The following NCAM1 variants were observed in gnomAD, a reference collection of about 807,000 sequenced individuals.
The protein encoded by NCAM1 is antigen recognized by monoclonal antibody 5.1H11.
NCAM1 carries 14 observed loss-of-function variants against 109.8 expected under a neutral mutation model. That is an observed-to-expected ratio of 0.13 (90% CI 0.08 to 0.20). The LOEUF is 0.20. Ranked by LOEUF, NCAM1 falls within the 10% of genes least tolerant of loss-of-function variation. The pLI is 1.00. For missense variants in NCAM1, 774 were observed against 1,109.9 expected (o/e 0.70, Z 4.30); for synonymous variants, 418 against 442.9 (o/e 0.94, Z 0.70).
At chr11:113,137,149 C>T (rs1396316349) in intron 1 of NCAM1, among the ~76,000 whole-genome samples, 3 of 152,214 alleles carry the variant, frequency 2.0e-5, no homozygotes, top group Non-Finnish European at 4.4e-5. Flanking sequence ...TAAATCTTTC[C>T]TTTAAAAGGA....
chr11:112,990,207 G>C (rs1428817467), intron 1 of NCAM1, among the ~76,000 whole-genome samples: 1 of 152,212 alleles, frequency 6.6e-6, no homozygotes, highest in East Asian at 1.9e-4. Context: ...TTGATTACTA[G>C]GTTCATAGAC....
intron 1 of NCAM1, among the ~76,000 whole-genome samples, chr11:113,077,122 C>T (rs530602194): frequency 7.9e-5 from 12 of 152,110 alleles, no homozygotes; most frequent in Non-Finnish European, 1.3e-4. Flanking sequence ...AGACACAGCC[C>T]CTTCTTTCTA....
chr11:113,240,788 G>T, intron 14 of NCAM1: 2 of 1,613,286 alleles, frequency 1.2e-6, no homozygotes, highest in South Asian at 2.2e-5. Context: ...TTCTTCAGCG[G>T]CATCTGCTAG....
At chr11:113,171,944 A>G (rs1304767207) in intron 1 of NCAM1, among the ~76,000 whole-genome samples, 2 of 152,114 alleles carry the variant, frequency 1.3e-5, no homozygotes, top group African/African-American at 2.4e-5. Flanking sequence ...GAAAAGGGAA[A>G]ATTTGGAGAC....
intron 1 of NCAM1, among the ~76,000 whole-genome samples, chr11:113,033,540 T>A (rs1952780681): frequency 6.6e-6 from 1 of 152,166 alleles, no homozygotes; most frequent in Non-Finnish European, 1.5e-5. Context: ...TGGAAACACA[T>A]TTTTCCTCTA....
In NCAM1 at chr11:113,106,463, G is replaced by T. The variant is rs529387877; in HGVS notation, c.53-95916G>T. ...TAGGGTGGCTCTTGTATTTGCTGAA[G>T]AAGAAGATAAAAAACAGTTGAGTTG... On this transcript the variant is annotated intron_variant, in intron 1 of 19. Transcript: ENST00000316851. 4.6e-5 allele frequency among the ~76,000 whole-genome samples: 7 copies of T among 152,260 alleles called. No homozygotes were observed. The South Asian group carries it at 1.5e-3, about 32-fold the overall frequency.
chr11:112,995,188 A>AC (rs5794834), intron 1 of NCAM1, among the ~76,000 whole-genome samples: 39,519 of 151,670 alleles, frequency 0.26, 5,604 homozygotes, highest in East Asian at 0.53. Context: ...ACTGCATCCT[A>AC]CCCCCCGCCA....
intron 1 of NCAM1, among the ~76,000 whole-genome samples, chr11:113,094,500 C>T (rs1939502816): frequency 6.6e-6 from 1 of 152,180 alleles, no homozygotes; most frequent in South Asian, 2.1e-4. Flanking sequence ...ATTTGCTGTG[C>T]TTGTGAAACC....
chr11:113,111,708 G>T (rs1169375868), intron 1 of NCAM1, among the ~76,000 whole-genome samples: 1 of 152,140 alleles, frequency 6.6e-6, no homozygotes, highest in Non-Finnish European at 1.5e-5. Flanking sequence ...TTAACACCTT[G>T]TTGTGTATCC....
intron 1 of NCAM1, among the ~76,000 whole-genome samples, chr11:113,123,325 T>C (rs1555096442): frequency 6.6e-6 from 1 of 152,200 alleles, no homozygotes; most frequent in African/African-American, 2.4e-5. Flanking sequence ...ATGTACCCCA[T>C]ACATATGTAC....
chr11:113,085,494 T>G (rs187956665), intron 1 of NCAM1, among the ~76,000 whole-genome samples: 1 of 152,218 alleles, frequency 6.6e-6, no homozygotes, highest in Non-Finnish European at 1.5e-5. Flanking sequence ...TTCACACTTA[T>G]TCTCAAACTT....
chr11:113,018,249 C>T (rs1555075627), intron 1 of NCAM1, among the ~76,000 whole-genome samples: 2 of 151,732 alleles, frequency 1.3e-5, no homozygotes, highest in African/African-American at 4.8e-5. Context: ...CAGTCCTGTA[C>T]TGTTGGGTAT....
At chr11:113,161,010 G>C (rs934024741) in intron 1 of NCAM1, among the ~76,000 whole-genome samples, 1 of 152,046 alleles carries the variant, frequency 6.6e-6, no homozygotes, top group Non-Finnish European at 1.5e-5. Context: ...TGCAAGCTCC[G>C]TCACAAGAAT....
At chr11:113,095,623 A>G (rs943485949) in intron 1 of NCAM1, among the ~76,000 whole-genome samples, 3 of 152,222 alleles carry the variant, frequency 2.0e-5, no homozygotes, top group African/African-American at 7.2e-5. Context: ...GAAACCATTC[A>G]ATTAATAGCA....
At chr11:112,968,447 G>A (rs1950784269) in intron 1 of NCAM1, among the ~76,000 whole-genome samples, 2 of 152,158 alleles carry the variant, frequency 1.3e-5, no homozygotes, top group South Asian at 4.2e-4. Flanking sequence ...GAGATAAACT[G>A]GATATATAAT....
chr11:113,009,314 T>TTTTTTGTGGTTG, intron 1 of NCAM1, among the ~76,000 whole-genome samples: 1 of 93,482 alleles, frequency 1.1e-5, no homozygotes, highest in South Asian at 4.1e-4. Flanking sequence ...TTTTTCGGGT[T>TTTTTTGTGGTTG]TTTTTTTTTT....
intron 1 of NCAM1, among the ~76,000 whole-genome samples, chr11:113,072,992 C>T (rs998184987): frequency 2.6e-5 from 4 of 152,074 alleles, no homozygotes; most frequent in Non-Finnish European, 4.4e-5. Flanking sequence ...AACCAAAACT[C>T]TATACCCATT....
At chr11:113,036,627 G>A (rs549119361) in intron 1 of NCAM1, among the ~76,000 whole-genome samples, 64 of 152,068 alleles carry the variant, frequency 4.2e-4, no homozygotes, top group Non-Finnish European at 7.2e-4. Flanking sequence ...CTTGCCTGCC[G>A]TCTTTATTTG....
chr11:113,197,878 C>G (rs781786068), intron 1 of NCAM1, among the ~76,000 whole-genome samples: 23 of 152,318 alleles, frequency 1.5e-4, no homozygotes, highest in Middle Eastern at 3.4e-3. Context: ...ACCTGAGCAT[C>G]TTTTAGGAAC....
Sources: allele counts gnomAD v4.1 joint callset (sites outside exome capture counted in the v4.1 genomes callset), GRCh38; gene constraint gnomAD v4.1.1; transcripts MANE v1.5; gene names NCBI Gene and HGNC (gene_info 2026-07-23, HGNC 2026-07-21).